PRKN: variants seen among roughly 807,000 people sequenced by gnomAD.
PRKN encodes parkin RBR E3 ubiquitin protein ligase, also known as E3 ubiquitin-protein ligase parkin.
A neutral mutation model predicts 59.5 loss-of-function variants in PRKN; 56 were observed. The observed-to-expected ratio is 0.94, with a 90% CI of 0.76 to 1.18. The LOEUF is 1.18. PRKN is among the 50% of genes most tolerant of loss of function. The pLI, the probability that PRKN is intolerant of heterozygous loss-of-function variation, is 0.00. For synonymous variants in PRKN, 250 were observed against 222.1 expected, an observed-to-expected ratio of 1.13 and a Z score of -1.12; for missense variants, 657 against 596.4, an observed-to-expected ratio of 1.10 and a Z score of -1.06.
intron 10 of PRKN, among the ~76,000 whole-genome samples, chr6:161,381,908 T>A (rs886569494): frequency 3.3e-5 from 5 of 151,834 alleles, no homozygotes; most frequent in Admixed American, 2.0e-4. Context: ...GTCAGGAGAT[T>A]GAGACCATCC....
chr6:161,777,297 A>G (rs1789964410), intron 7 of PRKN, among the ~76,000 whole-genome samples: 1 of 152,076 alleles, frequency 6.6e-6, no homozygotes, highest in African/African-American at 2.4e-5. Context: ...AGTATAACAC[A>G]ATATCTGGTC....
At chr6:161,624,002 C>T (rs911904535) in intron 7 of PRKN, among the ~76,000 whole-genome samples, 8 of 152,102 alleles carry the variant, frequency 5.3e-5, no homozygotes, top group Non-Finnish European at 1.0e-4. Flanking sequence ...CTTTGAATTA[C>T]GGGAAGGAAG....
chr6:162,696,115 A>AAG (rs1554262980), intron 1 of PRKN, among the ~76,000 whole-genome samples: 1 of 152,212 alleles, frequency 6.6e-6, no homozygotes, highest in Non-Finnish European at 1.5e-5. Context: ...CATACTAAAA[A>AAG]AGAGAGAGAA....
At chr6:162,300,618 T>G (rs1256007185) in intron 2 of PRKN, among the ~76,000 whole-genome samples, 1 of 152,100 alleles carries the variant, frequency 6.6e-6, no homozygotes, top group Non-Finnish European at 1.5e-5. Flanking sequence ...AAACATAGAT[T>G]AGAACACCTC....
At chr6:162,171,103 T>C (rs1370766394) in intron 4 of PRKN, among the ~76,000 whole-genome samples, 1 of 152,052 alleles carries the variant, frequency 6.6e-6, no homozygotes, top group Non-Finnish European at 1.5e-5. Context: ...TGCGGTTGAA[T>C]AGACACCATT....
rs181753436 is a variant in PRKN, at chr6:162,102,381, A to G, written c.535-48207T>C. Reference sequence around the variant, plus strand: ...CTCTTTTGGTCCTGGCTACATTTGCATATAGGAAAACAATAACAATTAATG... The same window carrying G: ...CTCTTTTGGTCCTGGCTACATTTGCGTATAGGAAAACAATAACAATTAATG... On this transcript the variant is annotated intron_variant, in intron 4 of 11. Transcript: ENST00000366898. 7.5e-4 allele frequency among the ~76,000 whole-genome samples: 115 copies of G among 152,338 alleles called. 1 individual carries two copies. The Middle Eastern group carries it at 0.014, about 18-fold the overall frequency.
intron 1 of PRKN, among the ~76,000 whole-genome samples, chr6:162,656,033 A>G (rs980216437): frequency 6.6e-6 from 1 of 152,186 alleles, no homozygotes; most frequent in African/African-American, 2.4e-5. Context: ...TTATTCTTGA[A>G]CAGAATAGGT....
intron 1 of PRKN, among the ~76,000 whole-genome samples, chr6:162,554,638 G>C (rs1377751801): frequency 6.6e-6 from 1 of 152,106 alleles, no homozygotes; most frequent in Non-Finnish European, 1.5e-5. Flanking sequence ...CACGGGGTGG[G>C]GGGAGCACAG....
At chr6:162,256,807 C>A (rs1044154378) in intron 3 of PRKN, among the ~76,000 whole-genome samples, 2 of 152,154 alleles carry the variant, frequency 1.3e-5, no homozygotes, top group Non-Finnish European at 2.9e-5. Context: ...TGCAATGTCT[C>A]CCTTCCCCTT....
At chr6:162,623,888 G>A (rs919376413) in intron 1 of PRKN, among the ~76,000 whole-genome samples, 1 of 152,142 alleles carries the variant, frequency 6.6e-6, no homozygotes, top group Non-Finnish European at 1.5e-5. Context: ...GGTGGGGGCA[G>A]AGATGCTTCA....
At chr6:161,870,436 C>T (rs1394826499) in intron 6 of PRKN, among the ~76,000 whole-genome samples, 2 of 152,172 alleles carry the variant, frequency 1.3e-5, no homozygotes, top group African/African-American at 4.8e-5. Flanking sequence ...CTAGCTGAAT[C>T]TTGCTGTCTC....
chr6:162,338,801 A>G (rs1783978883), intron 2 of PRKN, among the ~76,000 whole-genome samples: 1 of 148,112 alleles, frequency 6.8e-6, no homozygotes, highest in Admixed American at 6.7e-5. Flanking sequence ...CCATCTAGGA[A>G]GTGAGGAGCG....
intron 7 of PRKN, among the ~76,000 whole-genome samples, chr6:161,628,659 G>A (rs1562568427): frequency 6.6e-6 from 1 of 152,238 alleles, no homozygotes; most frequent in Non-Finnish European, 1.5e-5. Flanking sequence ...CCTTTGTAGA[G>A]AAGTAGAGAC....
intron 9 of PRKN, among the ~76,000 whole-genome samples, chr6:161,481,952 G>T (rs1205351667): frequency 6.8e-6 from 1 of 147,516 alleles, no homozygotes; most frequent in African/African-American, 2.5e-5. Context: ...GATTGAGTTT[G>T]TTGGAGTCAC....
At chr6:161,965,560 G>A (rs1256202093) in intron 6 of PRKN, among the ~76,000 whole-genome samples, 1 of 151,988 alleles carries the variant, frequency 6.6e-6, no homozygotes, top group African/African-American at 2.4e-5. Context: ...TTTATTTTGA[G>A]CCAAATATGA....
At chr6:162,248,708 C>G (rs1583264330) in intron 3 of PRKN, among the ~76,000 whole-genome samples, 1 of 151,888 alleles carries the variant, frequency 6.6e-6, no homozygotes, top group African/African-American at 2.4e-5. Flanking sequence ...AACCCAAGAT[C>G]CAAAAAATAA....
chr6:162,628,246 A>G (rs1477197545), intron 1 of PRKN, among the ~76,000 whole-genome samples: 1 of 152,138 alleles, frequency 6.6e-6, no homozygotes, highest in Non-Finnish European at 1.5e-5. Flanking sequence ...TAGAGTTGAA[A>G]ATTAAGGTAA....
At position 161,813,630 on chromosome 6, in the gene PRKN, C is replaced by T. The variant is rs1394769696; in HGVS notation, c.735-27722G>A. Among the ~76,000 whole-genome samples, 6 of 152,176 alleles carry T rather than the reference C, an allele frequency of 3.9e-5. No individual in the cohort carries two copies. In the East Asian group the frequency reaches 1.2e-3, roughly 29 times the overall value. On this transcript the variant is annotated intron_variant, in intron 6 of 11. Transcript: ENST00000366898. ...ACGACTCTCTGCCCTGCCAGGCTTG[C>T]TCTGCATCCCAGAAAGTTGGGCCCT...
intron 7 of PRKN, among the ~76,000 whole-genome samples, chr6:161,778,096 T>C (rs952348011): frequency 2.0e-5 from 3 of 151,810 alleles, no homozygotes; most frequent in Non-Finnish European, 2.9e-5. Flanking sequence ...GTGAGGGCTA[T>C]AGCTGCATTT....
Sources: gnomAD v4.1 joint callset for allele counts (sites outside exome capture counted in the v4.1 genomes callset) on GRCh38, gnomAD v4.1.1 for gene constraint, MANE v1.5 for transcripts, NCBI Gene and HGNC (gene_info 2026-07-23, HGNC 2026-07-21) for gene names.